PLXDC2: variants seen among roughly 807,000 people sequenced by gnomAD.
PLXDC2 encodes plexin domain containing 2.
PLXDC2 carries 40 observed loss-of-function variants against 68.9 expected under a neutral mutation model. That is an observed-to-expected ratio of 0.58 (90% CI 0.45 to 0.76). PLXDC2 has a LOEUF of 0.76. Ranked by LOEUF, PLXDC2 falls within the 30% of genes least tolerant of loss-of-function variation. The pLI is 0.00. For missense variants in PLXDC2, 644 were observed against 661.9 expected (o/e 0.97, Z 0.30); for synonymous variants, 243 against 234.2 (o/e 1.04, Z -0.34).
At chr10:19,879,295 A>G (rs1830995) in intron 1 of PLXDC2, among the ~76,000 whole-genome samples, 6,775 of 152,222 alleles carry the variant, frequency 0.045, 190 homozygotes, top group Middle Eastern at 0.12. Flanking sequence ...TGATTTATAA[A>G]ATACTATGAG....
intron 13 of PLXDC2, among the ~76,000 whole-genome samples, chr10:20,257,302 C>T (rs2119359696): frequency 6.6e-6 from 1 of 152,176 alleles, no homozygotes; most frequent in African/African-American, 2.4e-5. Flanking sequence ...TTCACCTGTC[C>T]CTATAAATCT....
rs71388881 is a variant in PLXDC2 at position 19,937,544 on chromosome 10, G to GTATATATATATATATA, written c.113-64207_113-64192dup. On this transcript the variant is annotated intron_variant, in intron 1 of 13. Coordinates refer to ENST00000377252, the MANE Select transcript of PLXDC2 (RefSeq NM_032812.9). ...GAATACATATCACATTATAGTCAAT[G>GTATATATATATATATA]TATATATATATATATATATATATAT... Among the ~76,000 whole-genome samples, 114 of 95,956 alleles carry GTATATATATATATATA rather than the reference G, an allele frequency of 1.2e-3. 1 individual carries two copies. The highest frequency in any genetic ancestry group is 2.7e-3 in the South Asian group (7 of 2,556). The allele number at this position is 95,956 out of a possible 152,430, so 63.0% of individuals were successfully genotyped here.
intron 1 of PLXDC2, among the ~76,000 whole-genome samples, chr10:19,823,417 A>AG (rs1178301744): frequency 6.6e-6 from 1 of 151,888 alleles, no homozygotes; most frequent in Non-Finnish European, 1.5e-5. Context: ...GTGGTGGCTC[A>AG]CACCTGTGAT....
chr10:20,213,628 A>G (rs1835098780), intron 10 of PLXDC2, among the ~76,000 whole-genome samples: 3 of 152,138 alleles, frequency 2.0e-5, no homozygotes, highest in Non-Finnish European at 4.4e-5. Flanking sequence ...ACATTTCCTA[A>G]TTACAGAGGC....
chr10:19,976,795 T>G (rs2131616419), intron 1 of PLXDC2, among the ~76,000 whole-genome samples: 1 of 152,098 alleles, frequency 6.6e-6, no homozygotes, highest in South Asian at 2.1e-4. Context: ...TTCTGAGGCC[T>G]TCTGGAATAA....
chr10:20,278,814 C>A (rs1355234679), intron 13 of PLXDC2, among the ~76,000 whole-genome samples: 1 of 152,128 alleles, frequency 6.6e-6, no homozygotes, highest in Non-Finnish European at 1.5e-5. Flanking sequence ...CAATATTTAT[C>A]ATCTTATTTA....
intron 13 of PLXDC2, among the ~76,000 whole-genome samples, chr10:20,278,908 C>T (rs898144224): frequency 2.0e-5 from 3 of 152,064 alleles, no homozygotes; most frequent in Admixed American, 6.5e-5. Context: ...GTGTCTTTTG[C>T]TTTGATAACC....
rs188872368 is a variant in PLXDC2, at chr10:20,023,664, A to G, written c.324+21678A>G. On this transcript the variant is annotated intron_variant, in intron 2 of 13. Coordinates refer to ENST00000377252, the MANE Select transcript of PLXDC2 (RefSeq NM_032812.9). ...ATCATGAGCCAATACATTTCTGTTC[A>G]TTATAAATTACCCAGTCTGTGGTAT... is the stretch of plus-strand genomic sequence containing the variant. Among the ~76,000 whole-genome samples, 83 of 152,246 alleles carry G rather than the reference A, an allele frequency of 5.5e-4. 1 individual carries two copies. In the East Asian group the frequency reaches 0.016, roughly 29 times the overall value.
intron 1 of PLXDC2, among the ~76,000 whole-genome samples, chr10:19,817,659 A>C (rs1240166666): frequency 6.6e-6 from 1 of 152,132 alleles, no homozygotes; most frequent in African/African-American, 2.4e-5. Flanking sequence ...TCCCTGTGGC[A>C]GCACCTTCCT....
intron 6 of PLXDC2, among the ~76,000 whole-genome samples, chr10:20,164,011 C>T (rs1379433876): frequency 6.6e-6 from 1 of 152,096 alleles, no homozygotes; most frequent in Non-Finnish European, 1.5e-5. Context: ...TTGTTTTTCT[C>T]TAGATTTTAT....
chr10:20,261,783 G>A (rs189194766), intron 13 of PLXDC2, among the ~76,000 whole-genome samples: 2,378 of 152,250 alleles, frequency 0.016, 30 homozygotes, highest in Middle Eastern at 0.024. Context: ...GAACCCGGGA[G>A]GCGGAGGTTG....
chr10:19,972,746 T>A lies in PLXDC2; in HGVS notation c.113-29029T>A, dbSNP rs11011710. Among the ~76,000 whole-genome samples, 8 of 151,972 alleles carry A rather than the reference T, an allele frequency of 5.3e-5. No homozygotes were observed. In the East Asian group the frequency reaches 1.2e-3, roughly 22 times the overall value. On this transcript the variant is annotated intron_variant, in intron 1 of 13. Coordinates refer to ENST00000377252, the MANE Select transcript of PLXDC2 (RefSeq NM_032812.9). ...GTTGAGCTGTTAAAATAGGGAAGAGTTATTTTTAAAAAGCCTAAACTTTTA... is the reference window on the plus strand; with the variant it reads ...GTTGAGCTGTTAAAATAGGGAAGAGATATTTTTAAAAAGCCTAAACTTTTA...
Position 19,992,803 on chromosome 10 carries a change from CT to C in PLXDC2, c.113-8970del, listed in dbSNP as rs966185585. ...GTCACCATGATGGGATATCCTATTT[CT>C]TATTTGCTTTTCCTTGCTGAATTGT... is the stretch of plus-strand genomic sequence containing the variant. On this transcript the variant is annotated intron_variant, in intron 1 of 13. Coordinates refer to ENST00000377252, the MANE Select transcript of PLXDC2 (RefSeq NM_032812.9). 7.7e-4 allele frequency among the ~76,000 whole-genome samples: 117 copies of C among 152,158 alleles called. 1 individual carries two copies. Among genetic ancestry groups the C allele is most frequent in the African/African-American group, 2.7e-3 (113 of 41,530 alleles).
chr10:19,861,220 A>G (rs374893942), intron 1 of PLXDC2, among the ~76,000 whole-genome samples: 71 of 151,854 alleles, frequency 4.7e-4, no homozygotes, highest in African/African-American at 1.6e-3. Context: ...TTTTTTGTAG[A>G]GATGGGGTTT....
intron 1 of PLXDC2, among the ~76,000 whole-genome samples, chr10:19,958,500 G>A (rs1362851997): frequency 6.6e-6 from 1 of 152,036 alleles, no homozygotes; most frequent in African/African-American, 2.4e-5. Flanking sequence ...TATCCCCTTT[G>A]GCCATGAATG....
chr10:20,255,666 TA>T (rs1356977589), intron 13 of PLXDC2, among the ~76,000 whole-genome samples: 1 of 152,138 alleles, frequency 6.6e-6, no homozygotes, highest in Non-Finnish European at 1.5e-5. Context: ...TATTCTGGTT[TA>T]TAACTAATAC....
chr10:19,976,156 A>G (rs2131615918), intron 1 of PLXDC2, among the ~76,000 whole-genome samples: 1 of 152,216 alleles, frequency 6.6e-6, no homozygotes, highest in Admixed American at 6.5e-5. Context: ...TTTGTCTTCT[A>G]GTTTTCCTGT....
At chr10:20,064,090 G>C (rs771331322) in intron 3 of PLXDC2, among the ~76,000 whole-genome samples, 9 of 150,008 alleles carry the variant, frequency 6.0e-5, no homozygotes, top group Non-Finnish European at 1.3e-4. Flanking sequence ...CCATTTATTG[G>C]GTCTTCCCAC....
intron 12 of PLXDC2, among the ~76,000 whole-genome samples, chr10:20,224,418 T>A (rs1835259395): frequency 2.0e-5 from 3 of 152,312 alleles, no homozygotes; most frequent in Admixed American, 6.5e-5. Context: ...GTTATATTTT[T>A]AAAAAAATGA....
Sources: allele counts gnomAD v4.1 joint callset (sites outside exome capture counted in the v4.1 genomes callset), GRCh38; gene constraint gnomAD v4.1.1; transcripts MANE v1.5; gene names NCBI Gene and HGNC (gene_info 2026-07-23, HGNC 2026-07-21).